The following TMCO6 variants were observed in gnomAD, a reference collection of about 807,000 sequenced individuals.
The protein encoded by TMCO6 is transmembrane and coiled-coil domains 6.
A neutral mutation model predicts 61.8 loss-of-function variants in TMCO6; 47 were observed. The observed-to-expected ratio is 0.76, with a 90% CI of 0.60 to 0.97. TMCO6 has a LOEUF of 0.97. Ranked by LOEUF, TMCO6 falls within the 50% of genes least tolerant of loss-of-function variation. The probability of loss-of-function intolerance (pLI) is 0.00; values close to 1 mark genes in which losing one functional copy is unlikely to be tolerated. For missense variants in TMCO6, 557 were observed against 601.6 expected (o/e 0.93, Z 0.78); for synonymous variants, 261 against 254.2 (o/e 1.03, Z -0.25).
the TMCO6 span, among the ~76,000 whole-genome samples, chr5:140,619,378 C>A: frequency 1.3e-5 from 2 of 152,114 alleles, no homozygotes; most frequent in Admixed American, 1.3e-4. Flanking sequence ...CAATAAAACA[C>A]AAATAAAACA....
downstream of TMCO6, chr5:140,647,445 GT>G: frequency 6.2e-7 from 1 of 1,607,094 alleles, no homozygotes; most frequent in Non-Finnish European, 8.5e-7. Context: ...TGACCCTGGC[GT>G]CCCGAAGCCC....
At chr5:140,622,742 A>G in the TMCO6 span, among the ~76,000 whole-genome samples, 1 of 149,638 alleles carries the variant, frequency 6.7e-6, no homozygotes, top group Non-Finnish European at 1.5e-5. Flanking sequence ...AAAAAAAAAA[A>G]GAAAGAAAAA....
At chr5:140,597,965 A>C in the TMCO6 span, among the ~76,000 whole-genome samples, 8 of 152,166 alleles carry the variant, frequency 5.3e-5, no homozygotes, top group African/African-American at 1.9e-4. Context: ...TCTGCATCAG[A>C]TGGCAAAAAA....
the TMCO6 span, among the ~76,000 whole-genome samples, chr5:140,610,135 G>A: frequency 9.7e-5 from 14 of 145,004 alleles, no homozygotes; most frequent in Non-Finnish European, 1.9e-4. Flanking sequence ...GATTGCCTGA[G>A]CTCAGGAGTT....
intron 5 of TMCO6, 50 bp downstream of exon 5, chr5:140,642,469 A>G (rs561672362): frequency 1.9e-6 from 3 of 1,603,542 alleles, no homozygotes; most frequent in Admixed American, 1.7e-5. Context: ...TCCTCCCCAC[A>G]TGCTCCATCT....
chr5:140,642,839 G>A, intron 6 of TMCO6, 86 bp from the exon 7 acceptor site: 1 of 1,607,688 alleles, frequency 6.2e-7, no homozygotes. Context: ...CTTTGGGTTT[G>A]GACACTCTCC....
the TMCO6 span, among the ~76,000 whole-genome samples, chr5:140,602,724 A>G: frequency 6.6e-6 from 1 of 151,946 alleles, no homozygotes; most frequent in African/African-American, 2.4e-5. Flanking sequence ...ACATCATGCC[A>G]CTGCACTCCA....
chr5:140,620,413 G>A, the TMCO6 span, among the ~76,000 whole-genome samples: 3 of 152,160 alleles, frequency 2.0e-5, no homozygotes, highest in Non-Finnish European at 4.4e-5. Flanking sequence ...GCCTTTTAGG[G>A]CAGTGAAAAT....
At chr5:140,637,766 C>A (rs1756804159), upstream of TMCO6, among the ~76,000 whole-genome samples, 1 of 152,142 alleles carries the variant, frequency 6.6e-6, no homozygotes, top group African/African-American at 2.4e-5. Context: ...CCAGACATTC[C>A]TTTCTATTGA....
At chr5:140,639,949 C>G (rs749292104) in intron 2 of TMCO6, 98 bp downstream of exon 2, 2 of 1,001,116 alleles carry the variant, frequency 2.0e-6, no homozygotes, top group Admixed American at 2.1e-5. Flanking sequence ...GCAATCCACT[C>G]TACACTTCCA....
At chr5:140,631,002 AC>A in the TMCO6 span, among the ~76,000 whole-genome samples, 2 of 152,200 alleles carry the variant, frequency 1.3e-5, no homozygotes, top group African/African-American at 4.8e-5. Context: ...GCTAATGTGG[AC>A]TAGAGGACAA....
At chr5:140,631,037 AAG>A in the TMCO6 span, among the ~76,000 whole-genome samples, 7 of 152,204 alleles carry the variant, frequency 4.6e-5, no homozygotes, top group Admixed American at 3.3e-4. Context: ...TGAAGTTTTG[AAG>A]AGTCTGAGAT....
upstream of TMCO6, among the ~76,000 whole-genome samples, chr5:140,637,235 T>G (rs1168131670): frequency 6.6e-6 from 1 of 152,184 alleles, no homozygotes; most frequent in Admixed American, 6.5e-5. Context: ...TGGAGAGGTA[T>G]GCAGGGGTTA....
chr5:140,637,748 A>G (rs1229379175), upstream of TMCO6, among the ~76,000 whole-genome samples: 1 of 152,180 alleles, frequency 6.6e-6, no homozygotes, highest in African/African-American at 2.4e-5. Context: ...ACAATCCTTT[A>G]TCTTAACCCA....
rs779664820 is a variant in TMCO6, at chr5:140,644,201, A to G, written c.1200+7A>G. 6.8e-6 allele frequency: 11 copies of G among 1,613,382 alleles called. No homozygotes were observed. The highest frequency in any genetic ancestry group is 9.3e-6 in the Non-Finnish European group (11 of 1,179,450). Reference sequence around the variant, plus strand: ...TAACGTGGTGAGCGTAATGGTATGTATTGGGGTTACTTGAATCCAAGATCT... The same window carrying G: ...TAACGTGGTGAGCGTAATGGTATGTGTTGGGGTTACTTGAATCCAAGATCT... On this transcript the variant is annotated splice_region_variant and intron_variant, in intron 10 of 11. Transcript: ENST00000394671.
downstream of TMCO6, chr5:140,647,708 T>C (rs1757493038): frequency 7.1e-7 from 1 of 1,399,690 alleles, no homozygotes; most frequent in Non-Finnish European, 9.9e-7. Flanking sequence ...GCTTGGCCAA[T>C]GATATAAAAG....
upstream of TMCO6, among the ~76,000 whole-genome samples, chr5:140,638,299 A>T (rs147149329): frequency 1.2e-3 from 179 of 152,280 alleles, no homozygotes; most frequent in Middle Eastern, 6.8e-3. Flanking sequence ...GAAAGTGGAG[A>T]GGAAAGGGGA....
At chr5:140,609,633 T>C in the TMCO6 span, among the ~76,000 whole-genome samples, 3 of 124,088 alleles carry the variant, frequency 2.4e-5, no homozygotes, top group African/African-American at 1.1e-4. Context: ...CATAATGCAA[T>C]ATCTCATACA....
At chr5:140,631,819 A>C in the TMCO6 span, 1 of 1,513,622 alleles carries the variant, frequency 6.6e-7, no homozygotes, top group Non-Finnish European at 8.9e-7. Context: ...CCTGAAGCCA[A>C]GGCAGTTTGA....
Sources: gnomAD v4.1 joint callset for allele counts (sites outside exome capture counted in the v4.1 genomes callset) on GRCh38, gnomAD v4.1.1 for gene constraint, MANE v1.5 for transcripts, NCBI Gene and HGNC (gene_info 2026-07-23, HGNC 2026-07-21) for gene names.